CTNNA3: variants seen among roughly 807,000 people sequenced by gnomAD.
The protein encoded by CTNNA3 is catenin alpha 3, also known as catenin alpha-3.
In CTNNA3, 76 loss-of-function variants were observed where a neutral mutation model predicts 95.7. The ratio of observed to expected loss-of-function variants is 0.79; its 90% CI spans 0.66 to 0.96. The LOEUF (loss-of-function observed/expected upper bound fraction) is 0.96. Among genes scored for constraint, CTNNA3 ranks in the 40% least tolerant of loss-of-function variants. The pLI, the probability that CTNNA3 is intolerant of heterozygous loss-of-function variation, is 0.00. For synonymous variants in CTNNA3, 431 were observed against 374.4 expected (o/e 1.15, Z -1.74); for missense variants, 1,191 against 1,089.8 (o/e 1.09, Z -1.31).
At chr10:66,831,476 C>G (rs1445733300) in intron 7 of CTNNA3, among the ~76,000 whole-genome samples, 1 of 152,224 alleles carries the variant, frequency 6.6e-6, no homozygotes, top group African/African-American at 2.4e-5. Flanking sequence ...TTAATCCACC[C>G]TTACCTCTCA....
At chr10:66,061,968 T>A (rs2080210053) in intron 15 of CTNNA3, among the ~76,000 whole-genome samples, 3 of 152,136 alleles carry the variant, frequency 2.0e-5, no homozygotes, top group Admixed American at 1.3e-4. Context: ...TATCCTGTGT[T>A]TAGCACAGGG....
chr10:66,414,188 A>G (rs531839873), intron 11 of CTNNA3, among the ~76,000 whole-genome samples: 1 of 152,152 alleles, frequency 6.6e-6, no homozygotes, highest in Non-Finnish European at 1.5e-5. Flanking sequence ...TAGTTCAAAA[A>G]TGGGTTTTGA....
intron 8 of CTNNA3, among the ~76,000 whole-genome samples, chr10:66,774,299 G>A (rs142602382): frequency 5.3e-5 from 8 of 152,150 alleles, no homozygotes; most frequent in Middle Eastern, 3.4e-3. Flanking sequence ...GGGGAGGATC[G>A]CTCTGAGGAT....
chr10:66,073,118 G>C (rs1010795969), intron 14 of CTNNA3, among the ~76,000 whole-genome samples: 2 of 152,068 alleles, frequency 1.3e-5, no homozygotes, highest in Non-Finnish European at 2.9e-5. Context: ...CCAGGAGCTG[G>C]GGTAGTGGGG....
intron 7 of CTNNA3, among the ~76,000 whole-genome samples, chr10:67,177,577 T>C (rs774058063): frequency 2.0e-5 from 3 of 152,198 alleles, no homozygotes; most frequent in Non-Finnish European, 4.4e-5. Flanking sequence ...GGAGACACAG[T>C]ATTCCTTAAA....
intron 12 of CTNNA3, among the ~76,000 whole-genome samples, chr10:66,329,831 A>C (rs1310738556): frequency 6.6e-6 from 1 of 152,138 alleles, no homozygotes; most frequent in African/African-American, 2.4e-5. Context: ...TAAGTCATGA[A>C]GCTCAAGTAA....
At chr10:66,080,862 T>C (rs1408580632) in intron 14 of CTNNA3, among the ~76,000 whole-genome samples, 2 of 152,028 alleles carry the variant, frequency 1.3e-5, no homozygotes, top group Admixed American at 6.6e-5. Context: ...CTACAGAGAG[T>C]AGGAAATAGA....
At chr10:66,256,295 A>T (rs1379466643) in intron 13 of CTNNA3, among the ~76,000 whole-genome samples, 1 of 152,182 alleles carries the variant, frequency 6.6e-6, no homozygotes, top group Non-Finnish European at 1.5e-5. Context: ...CTGGCTGTAC[A>T]CTTTCTAAGT....
At chr10:66,167,935 A>T (rs1222064200) in intron 13 of CTNNA3, among the ~76,000 whole-genome samples, 1 of 152,170 alleles carries the variant, frequency 6.6e-6, no homozygotes, top group Non-Finnish European at 1.5e-5. Context: ...GGCTAAGCAC[A>T]GCCCATGGGA....
intron 1 of CTNNA3, among the ~76,000 whole-genome samples, chr10:67,667,639 T>C (rs573271157): frequency 6.6e-6 from 1 of 152,278 alleles, no homozygotes; most frequent in South Asian, 2.1e-4. Flanking sequence ...GGAATTCTAT[T>C]TCTAATAATA....
intron 5 of CTNNA3, among the ~76,000 whole-genome samples, chr10:67,477,954 G>C (rs1437528132): frequency 6.6e-6 from 1 of 152,178 alleles, no homozygotes; most frequent in Non-Finnish European, 1.5e-5. Context: ...AGCAATGCAG[G>C]ACATGAGGAA....
chr10:65,965,513 T>C (rs1388501510), intron 17 of CTNNA3, among the ~76,000 whole-genome samples: 1 of 151,292 alleles, frequency 6.6e-6, no homozygotes, highest in Non-Finnish European at 1.5e-5. Context: ...CAAGTAATTC[T>C]TGTGCCTCAG....
In CTNNA3 at chr10:66,126,650, C is replaced by T. The variant is rs140102686; in HGVS notation, c.1885-23401G>A. The stretch of plus-strand genomic sequence containing the variant: ...GATACTGCCAAAAAATAAGGAAGAA[C>T]TAAAAAATTTAAATCTGCAAGTACA... On this transcript the variant is annotated intron_variant, in intron 13 of 17. Coordinates refer to ENST00000433211, the MANE Select transcript of CTNNA3 (RefSeq NM_013266.4). Among the ~76,000 whole-genome samples the T allele has an allele frequency of 3.1e-3, 474 of 152,018 alleles. 2 individuals carry two copies. The highest frequency in any genetic ancestry group is 0.011 in the African/African-American group (456 of 41,432).
chr10:66,379,964 A>T (rs968344909), intron 11 of CTNNA3, among the ~76,000 whole-genome samples: 6 of 152,206 alleles, frequency 3.9e-5, no homozygotes, highest in South Asian at 2.1e-4. Context: ...AAATATGTGG[A>T]ATATCAACAA....
intron 13 of CTNNA3, among the ~76,000 whole-genome samples, chr10:66,145,297 G>A (rs527376461): frequency 2.6e-5 from 4 of 152,218 alleles, no homozygotes; most frequent in African/African-American, 9.6e-5. Context: ...CAAAGACAAA[G>A]GGGAATGTAC....
chr10:67,603,383 C>T (rs1843149703), intron 3 of CTNNA3, among the ~76,000 whole-genome samples: 2 of 152,128 alleles, frequency 1.3e-5, no homozygotes, highest in Admixed American at 1.3e-4. Context: ...GCCATAGTAA[C>T]ATTGTAGTGC....
chr10:67,514,821 T>G (rs575984510), intron 5 of CTNNA3, among the ~76,000 whole-genome samples: 3 of 151,202 alleles, frequency 2.0e-5, no homozygotes, highest in Admixed American at 2.0e-4. Flanking sequence ...ATTCCCCACA[T>G]AAAGTAGCTA....
intron 10 of CTNNA3, among the ~76,000 whole-genome samples, chr10:66,609,186 A>G (rs1300078210): frequency 6.6e-6 from 1 of 151,614 alleles, no homozygotes; most frequent in Non-Finnish European, 1.5e-5. Flanking sequence ...CAGCCTCCCA[A>G]GAAGCTGGGA....
At chr10:66,048,726 A>T (rs2079885279) in intron 15 of CTNNA3, among the ~76,000 whole-genome samples, 1 of 152,178 alleles carries the variant, frequency 6.6e-6, no homozygotes, top group African/African-American at 2.4e-5. Flanking sequence ...GTGCCACTGC[A>T]CTCCAGTCTG....
Sources: gnomAD v4.1 joint callset for allele counts (sites outside exome capture counted in the v4.1 genomes callset) on GRCh38, gnomAD v4.1.1 for gene constraint, MANE v1.5 for transcripts, NCBI Gene and HGNC (gene_info 2026-07-23, HGNC 2026-07-21) for gene names.